Variants in GTF2F2 observed in about 807,000 individuals in gnomAD.
GTF2F2 encodes the protein ATP-dependent helicase GTF2F2.
GTF2F2 carries 23 observed loss-of-function variants against 42.2 expected under a neutral mutation model. The ratio of observed to expected loss-of-function variants is 0.55; its 90% CI spans 0.39 to 0.77. The LOEUF is 0.77. Among genes scored for constraint, GTF2F2 ranks in the 30% least tolerant of loss-of-function variants. The probability of loss-of-function intolerance (pLI) is 0.00; values close to 1 mark genes in which losing one functional copy is unlikely to be tolerated. For missense variants in GTF2F2, 261 were observed against 287.2 expected, an observed-to-expected ratio of 0.91 and a Z score of 0.66; for synonymous variants, 105 against 100.8, an observed-to-expected ratio of 1.04 and a Z score of -0.25.
At chr13:45,278,526 A>G (rs1381142297) in intron 7 of GTF2F2, among the ~76,000 whole-genome samples, 2 of 152,218 alleles carry the variant, frequency 1.3e-5, no homozygotes, top group African/African-American at 4.8e-5. Flanking sequence ...CCTATGTGAC[A>G]TAAAAGTGAT....
intron 4 of GTF2F2, among the ~76,000 whole-genome samples, chr13:45,181,189 C>CA (rs1237337924): frequency 0.011 from 1,279 of 116,372 alleles, 13 homozygotes; most frequent in Middle Eastern, 0.017. Flanking sequence ...AACAAACAAA[C>CA]AAAAAAAAAA....
At chr13:45,246,979 A>C (rs1213080823) in intron 5 of GTF2F2, among the ~76,000 whole-genome samples, 2 of 151,322 alleles carry the variant, frequency 1.3e-5, no homozygotes, top group Non-Finnish European at 2.9e-5. Context: ...CGGAGCTTGC[A>C]GTGAGCCGAG....
chr13:45,234,679 T>C (rs1056237216), intron 5 of GTF2F2, among the ~76,000 whole-genome samples: 31 of 152,224 alleles, frequency 2.0e-4, no homozygotes, highest in African/African-American at 3.1e-4. Context: ...CAGAGTTGCA[T>C]AATTCCTCAT....
At chr13:45,168,893 C>T (rs1251808239) in intron 4 of GTF2F2, among the ~76,000 whole-genome samples, 12 of 310 alleles carry the variant, frequency 0.039, no homozygotes, top group East Asian at 0.2. Context: ...CCCTCCCTCC[C>T]TCCCTCCCTC....
rs1387296142 is a variant in GTF2F2, at chr13:45,191,220, AAAAAATATATAT to A, written c.305-16202_305-16191del. ...CCCCGTCTCTACTAAAAATACAAAA[AAAAAATATATAT>A]ATATATATATATATATATATATAGC... On this transcript the variant is annotated intron_variant, in intron 4 of 7. Transcript: ENST00000340473. Among the ~76,000 whole-genome samples the A allele has an allele frequency of 4.3e-4, 32 of 75,210 alleles. 2 individuals carry two copies. Among genetic ancestry groups the A allele is most frequent in the South Asian group, 1.4e-3 (4 of 2,792 alleles). 49.3% of individuals were successfully genotyped at this position (75,210 alleles called of 152,430 possible).
chr13:45,167,812 A>T (rs1871368461), intron 4 of GTF2F2, among the ~76,000 whole-genome samples: 1 of 152,046 alleles, frequency 6.6e-6, no homozygotes, highest in African/African-American at 2.4e-5. Flanking sequence ...CAAACCTCCC[A>T]AGTGCTGGAA....
intron 4 of GTF2F2, among the ~76,000 whole-genome samples, chr13:45,171,733 C>A (rs1291136145): frequency 6.6e-6 from 1 of 152,102 alleles, no homozygotes; most frequent in Non-Finnish European, 1.5e-5. Flanking sequence ...CAAAAGAAAC[C>A]CACACCTATT....
At chr13:45,204,640 T>C (rs2138186567) in intron 4 of GTF2F2, among the ~76,000 whole-genome samples, 1 of 152,318 alleles carries the variant, frequency 6.6e-6, no homozygotes, top group Admixed American at 6.5e-5. Flanking sequence ...AATGTGTTCC[T>C]ATGAGGCTTT....
chr13:45,170,762 G>A (rs769213860), intron 4 of GTF2F2, among the ~76,000 whole-genome samples: 1 of 152,218 alleles, frequency 6.6e-6, no homozygotes, highest in Non-Finnish European at 1.5e-5. Flanking sequence ...GAGATCAGAA[G>A]AATGGTCCCT....
intron 4 of GTF2F2, among the ~76,000 whole-genome samples, chr13:45,201,785 A>G (rs1244524666): frequency 6.6e-6 from 1 of 152,194 alleles, no homozygotes; most frequent in African/African-American, 2.4e-5. Flanking sequence ...TTTAGAAAGA[A>G]TCCCATACTA....
chr13:45,203,968 G>A (rs1873316608), intron 4 of GTF2F2, among the ~76,000 whole-genome samples: 1 of 152,100 alleles, frequency 6.6e-6, no homozygotes. Flanking sequence ...GATCAATGAT[G>A]TCAAGACCAT....
chr13:45,250,074 T>TG, intron 5 of GTF2F2, among the ~76,000 whole-genome samples: 1 of 131,564 alleles, frequency 7.6e-6, no homozygotes, highest in South Asian at 2.4e-4. Flanking sequence ...TTTTTTTTTT[T>TG]GAGACAGTCT....
At chr13:45,232,196 C>T (rs1874718133) in intron 5 of GTF2F2, among the ~76,000 whole-genome samples, 1 of 152,118 alleles carries the variant, frequency 6.6e-6, no homozygotes, top group Admixed American at 6.5e-5. Flanking sequence ...GAATTTCTAA[C>T]CTAAACATTT....
intron 7 of GTF2F2, among the ~76,000 whole-genome samples, chr13:45,282,373 A>G (rs1276825714): frequency 6.6e-6 from 1 of 152,232 alleles, no homozygotes; most frequent in Admixed American, 6.5e-5. Context: ...CCATGACCAT[A>G]GTAATCATTT....
At chr13:45,267,810 A>ATTTTTTTTTTTTTT (rs201281124) in intron 7 of GTF2F2, among the ~76,000 whole-genome samples, 1 of 121,764 alleles carries the variant, frequency 8.2e-6, no homozygotes, top group African/African-American at 2.9e-5. Flanking sequence ...TTTTCTGTGG[A>ATTTTTTTTTTTTTT]TTTTTTTTTT....
intron 2 of GTF2F2, among the ~76,000 whole-genome samples, chr13:45,149,081 T>G (rs996339142): frequency 2.0e-5 from 3 of 152,108 alleles, no homozygotes; most frequent in Non-Finnish European, 4.4e-5. Context: ...GATGAAGTAC[T>G]GTATAGATCT....
intron 1 of GTF2F2, chr13:45,123,552 C>T (rs1868791841): frequency 6.6e-6 from 1 of 151,442 alleles, no homozygotes; most frequent in Non-Finnish European, 1.5e-5. Context: ...TCACTTGAGC[C>T]TAGGAGGTTG....
At chr13:45,155,176 AACC>A (rs1233369565) in intron 4 of GTF2F2, among the ~76,000 whole-genome samples, 1 of 152,226 alleles carries the variant, frequency 6.6e-6, no homozygotes, top group Non-Finnish European at 1.5e-5. Flanking sequence ...AAAGCTACAG[AACC>A]ACTACCCTAG....
intron 4 of GTF2F2, among the ~76,000 whole-genome samples, chr13:45,191,224 A>AAAAAAATATATATATATATATATATAT: frequency 4.0e-5 from 3 of 75,316 alleles, no homozygotes; most frequent in Non-Finnish European, 2.2e-5. Flanking sequence ...ACAAAAAAAA[A>AAAAAAATATATATATATATATATATAT]ATATATATAT....
Sources: gnomAD v4.1 joint callset for allele counts (sites outside exome capture counted in the v4.1 genomes callset) on GRCh38, gnomAD v4.1.1 for gene constraint, MANE v1.5 for transcripts, NCBI Gene and HGNC (gene_info 2026-07-23, HGNC 2026-07-21) for gene names.